SPMAP2L: variants seen among roughly 807,000 people sequenced by gnomAD.
SPMAP2L encodes the protein sperm microtubule associated protein 2 like, also known as sperm microtubule associated protein 2-like.
chr4:56,532,488 T>G, the SPMAP2L span, among the ~76,000 whole-genome samples: 4 of 152,200 alleles, frequency 2.6e-5, no homozygotes, highest in Admixed American at 2.6e-4. Context: ...TTCTCCCTAA[T>G]TAATCAGTAC....
At chr4:56,563,827 G>A in the SPMAP2L span, among the ~76,000 whole-genome samples, 8 of 152,218 alleles carry the variant, frequency 5.3e-5, no homozygotes, top group South Asian at 1.4e-3. Flanking sequence ...ATCTATGTCC[G>A]TGAGGGATAT....
At chr4:56,573,016 CA>C in the SPMAP2L span, among the ~76,000 whole-genome samples, 19,117 of 112,312 alleles carry the variant, frequency 0.17, 1,463 homozygotes, top group African/African-American at 0.27. Flanking sequence ...ACTCTATCTC[CA>C]AAAAAAAAAA....
chr4:56,580,651 A>T, the SPMAP2L span, among the ~76,000 whole-genome samples: 2 of 142,698 alleles, frequency 1.4e-5, no homozygotes, highest in African/African-American at 3.0e-5. Flanking sequence ...AATAAAAAAT[A>T]AAAAAAAATA....
the SPMAP2L span, among the ~76,000 whole-genome samples, chr4:56,541,092 A>T: frequency 6.9e-4 from 105 of 152,360 alleles, 1 homozygote; most frequent in East Asian, 0.019. Context: ...TAGTGAAATG[A>T]AGTGGCTAGA....
At chr4:56,559,402 TG>T in the SPMAP2L span, 4 of 1,516,268 alleles carry the variant, frequency 2.6e-6, no homozygotes, top group Non-Finnish European at 3.5e-6. Flanking sequence ...AAAACTGTTT[TG>T]GGGAAATCAA....
At chr4:56,531,501 T>A in the SPMAP2L span, among the ~76,000 whole-genome samples, 23 of 152,282 alleles carry the variant, frequency 1.5e-4, no homozygotes, top group East Asian at 4.4e-3. Context: ...TCCCTCTGGG[T>A]TGCACTTTGA....
chr4:56,532,365 T>C, the SPMAP2L span, among the ~76,000 whole-genome samples: 1 of 143,734 alleles, frequency 7.0e-6, no homozygotes, highest in Non-Finnish European at 1.5e-5. Context: ...AGGGAAGAAT[T>C]GTGCCTTTTT....
At chr4:56,594,854 G>A in the SPMAP2L span, 4 of 1,605,122 alleles carry the variant, frequency 2.5e-6, no homozygotes, top group Admixed American at 3.3e-5. Flanking sequence ...AAATATGAAC[G>A]CTCAGGTGGG....
At chr4:56,556,778 G>A in the SPMAP2L span, among the ~76,000 whole-genome samples, 2 of 152,108 alleles carry the variant, frequency 1.3e-5, no homozygotes. Context: ...GATAGGTTGT[G>A]GCAGGAGAAT....
the SPMAP2L span, among the ~76,000 whole-genome samples, chr4:56,540,335 G>T: frequency 6.6e-6 from 1 of 152,086 alleles, no homozygotes; most frequent in Admixed American, 6.5e-5. Context: ...CTGAGGTCAG[G>T]AGTTCAAGAC....
At chr4:56,547,941 C>T in the SPMAP2L span, among the ~76,000 whole-genome samples, 1 of 152,166 alleles carries the variant, frequency 6.6e-6, no homozygotes, top group African/African-American at 2.4e-5. Context: ...GTTAAAGATA[C>T]CACAATGAAG....
the SPMAP2L span, among the ~76,000 whole-genome samples, chr4:56,578,986 A>C: frequency 6.6e-6 from 1 of 152,100 alleles, no homozygotes; most frequent in Non-Finnish European, 1.5e-5. Flanking sequence ...AGCAGAGCAA[A>C]AACCTGATAG....
the SPMAP2L span, among the ~76,000 whole-genome samples, chr4:56,589,766 T>G: frequency 6.6e-6 from 1 of 152,016 alleles, no homozygotes; most frequent in African/African-American, 2.4e-5. Context: ...TTTGTTTTAT[T>G]TTTTTTGCAG....
At chr4:56,542,158 C>T in the SPMAP2L span, among the ~76,000 whole-genome samples, 1 of 152,234 alleles carries the variant, frequency 6.6e-6, no homozygotes, top group African/African-American at 2.4e-5. Context: ...CTCTGTTTGC[C>T]TGGCGGCGGG....
the SPMAP2L span, among the ~76,000 whole-genome samples, chr4:56,563,562 G>T: frequency 6.6e-6 from 1 of 152,088 alleles, no homozygotes; most frequent in South Asian, 2.1e-4. Context: ...AACAAGAGAA[G>T]GATGAAGATA....
At chr4:56,600,876 G>C in the SPMAP2L span, 1 of 1,470,604 alleles carries the variant, frequency 6.8e-7, no homozygotes. Flanking sequence ...TATAGCTATA[G>C]ACATAGAGAA....
chr4:56,537,404 A>G, the SPMAP2L span, among the ~76,000 whole-genome samples: 118 of 152,198 alleles, frequency 7.8e-4, no homozygotes, highest in African/African-American at 2.7e-3. Flanking sequence ...GGACATCTCC[A>G]TTTGCATGTA....
At chr4:56,584,611 A>C in the SPMAP2L span, 1 of 1,529,992 alleles carries the variant, frequency 6.5e-7, no homozygotes, top group Non-Finnish European at 8.8e-7. Context: ...CTTCAAAAAA[A>C]GTAAGTGTGC....
the SPMAP2L span, among the ~76,000 whole-genome samples, chr4:56,607,504 G>T: frequency 3.3e-5 from 5 of 152,166 alleles, no homozygotes; most frequent in African/African-American, 1.2e-4. Context: ...ACCTAAAAAT[G>T]TAAAAACAGC....
Sources: gnomAD v4.1 joint callset for allele counts (sites outside exome capture counted in the v4.1 genomes callset) on GRCh38, gnomAD v4.1.1 for gene constraint, MANE v1.5 for transcripts, NCBI Gene and HGNC (gene_info 2026-07-23, HGNC 2026-07-21) for gene names.